The following STK39 variants were observed in gnomAD, a reference collection of about 807,000 sequenced individuals.
STK39 encodes STE20/SPS1-related proline-alanine-rich protein kinase.
A neutral mutation model predicts 77.8 loss-of-function variants in STK39; 20 were observed. The observed-to-expected ratio is 0.26, with a 90% confidence interval of 0.18 to 0.37. The LOEUF (loss-of-function observed/expected upper bound fraction) is 0.37, where lower values mean the gene tolerates loss of function less well. Ranked by LOEUF, STK39 falls within the 10% of genes least tolerant of loss-of-function variation. STK39 has a pLI of 1.00. For synonymous variants in STK39, 246 were observed against 234.1 expected (o/e 1.05, Z -0.47); for missense variants, 479 against 656.5 (o/e 0.73, Z 2.95).
intron 10 of STK39, among the ~76,000 whole-genome samples, chr2:168,106,600 G>C (rs769995392): frequency 6.6e-6 from 1 of 152,034 alleles, no homozygotes; most frequent in Non-Finnish European, 1.5e-5. Flanking sequence ...CAGGAGGATC[G>C]CTTGAGCTCA....
At chr2:168,086,579 A>G (rs1184937301) in intron 10 of STK39, among the ~76,000 whole-genome samples, 2 of 152,344 alleles carry the variant, frequency 1.3e-5, no homozygotes, top group Non-Finnish European at 2.9e-5. Context: ...TTCTATAGGC[A>G]ATTAGAAAAA....
chr2:168,032,110 T>G (rs1245651305), intron 14 of STK39, among the ~76,000 whole-genome samples: 1 of 152,218 alleles, frequency 6.6e-6, no homozygotes, highest in Non-Finnish European at 1.5e-5. Context: ...TGCTTATTCA[T>G]GAAATATAGT....
intron 1 of STK39, among the ~76,000 whole-genome samples, chr2:168,233,820 T>C (rs1392333596): frequency 6.6e-6 from 1 of 152,226 alleles, no homozygotes; most frequent in Non-Finnish European, 1.5e-5. Flanking sequence ...CAAAAGACTC[T>C]AAAATGATCT....
At chr2:168,180,057 C>A (rs1311144016) in intron 2 of STK39, among the ~76,000 whole-genome samples, 1 of 152,100 alleles carries the variant, frequency 6.6e-6, no homozygotes, top group Admixed American at 6.6e-5. Flanking sequence ...CAATCAAACA[C>A]AAGTATCAGC....
At chr2:168,121,768 C>T (rs1332185572) in intron 10 of STK39, among the ~76,000 whole-genome samples, 1 of 152,204 alleles carries the variant, frequency 6.6e-6, no homozygotes, top group East Asian at 1.9e-4. Context: ...AATCACACTG[C>T]CACTGCTGAC....
At chr2:168,139,082 G>A (rs924616784) in intron 7 of STK39, among the ~76,000 whole-genome samples, 3 of 152,094 alleles carry the variant, frequency 2.0e-5, no homozygotes, top group Admixed American at 6.5e-5. Flanking sequence ...TGAAAGTGAC[G>A]GCTTATTGTT....
intron 16 of STK39, among the ~76,000 whole-genome samples, chr2:167,997,173 T>C (rs1165600808): frequency 6.6e-6 from 1 of 151,536 alleles, no homozygotes; most frequent in Non-Finnish European, 1.5e-5. Flanking sequence ...AGTGTGGAGG[T>C]GGCAGAGGCA....
At chr2:167,987,887 T>C (rs1249954479) in intron 16 of STK39, among the ~76,000 whole-genome samples, 1 of 152,230 alleles carries the variant, frequency 6.6e-6, no homozygotes, top group African/African-American at 2.4e-5. Flanking sequence ...TAATGATTAA[T>C]GGTAACATAT....
rs71003023 is a variant in STK39, at chr2:168,139,408, T to TTATATATATATATATATATATA, written c.840+880_840+881insTATATATATATATATATATATA. Among the ~76,000 whole-genome samples, 268 of 144,458 alleles carry TTATATATATATATATATATATA rather than the reference T, an allele frequency of 1.9e-3. 1 individual carries two copies. Among genetic ancestry groups the TTATATATATATATATATATATA allele is most frequent in the East Asian group, 6.6e-3 (32 of 4,834 alleles). 94.8% of individuals were successfully genotyped at this position (144,458 alleles called of 152,430 possible). ...AAATCCTAACTATGTTAAAAAAAAT[T>TTATATATATATATATATATATA]TATATATATATATATAAAAACAATA... On this transcript the variant is annotated intron_variant, in intron 7 of 17. Coordinates refer to ENST00000355999, the MANE Select transcript of STK39 (RefSeq NM_013233.3).
intron 16 of STK39, among the ~76,000 whole-genome samples, chr2:167,993,800 A>G (rs950694696): frequency 1.3e-5 from 2 of 152,204 alleles, no homozygotes; most frequent in African/African-American, 4.8e-5. Context: ...CAAGTTTTAC[A>G]CCGTATGGTT....
intron 14 of STK39, 27 bp from the exon 15 acceptor site, chr2:168,017,122 A>C: frequency 6.5e-7 from 1 of 1,533,326 alleles, no homozygotes; most frequent in Non-Finnish European, 8.9e-7. Context: ...ATAATACATT[A>C]AAGTCTAGGG....
intron 10 of STK39, among the ~76,000 whole-genome samples, chr2:168,076,671 T>C (rs1686086383): frequency 6.6e-6 from 1 of 152,284 alleles, no homozygotes; most frequent in Non-Finnish European, 1.5e-5. Context: ...TTGCAAATAG[T>C]TATGCTCATT....
intron 14 of STK39, among the ~76,000 whole-genome samples, chr2:168,033,651 T>C (rs1684881158): frequency 6.6e-6 from 1 of 152,208 alleles, no homozygotes; most frequent in Admixed American, 6.5e-5. Flanking sequence ...GCATAACTCC[T>C]TGTAACAGCC....
At chr2:167,987,195 C>T (rs558054541) in intron 16 of STK39, among the ~76,000 whole-genome samples, 1 of 152,276 alleles carries the variant, frequency 6.6e-6, no homozygotes, top group South Asian at 2.1e-4. Context: ...CAATGCAGTG[C>T]CAGACCCACT....
intron 10 of STK39, among the ~76,000 whole-genome samples, chr2:168,108,829 T>C (rs1378115096): frequency 6.6e-6 from 1 of 152,208 alleles, no homozygotes; most frequent in Non-Finnish European, 1.5e-5. Context: ...ACTATCTACT[T>C]TAATTCCAAG....
chr2:168,204,389 T>C (rs1272447668), intron 1 of STK39, among the ~76,000 whole-genome samples: 1 of 152,208 alleles, frequency 6.6e-6, no homozygotes, highest in East Asian at 1.9e-4. Context: ...GGAAAGAATC[T>C]GTCATTCACA....
At chr2:168,173,922 C>G (rs1688891251) in intron 2 of STK39, among the ~76,000 whole-genome samples, 2 of 152,142 alleles carry the variant, frequency 1.3e-5, no homozygotes, top group African/African-American at 4.8e-5. Flanking sequence ...AAGAAAAGTA[C>G]CAGCAGAGAA....
chr2:168,126,438 G>A (rs535887603), intron 10 of STK39, among the ~76,000 whole-genome samples: 4 of 152,218 alleles, frequency 2.6e-5, no homozygotes, highest in South Asian at 2.1e-4. Flanking sequence ...TACAATAAAC[G>A]TTTTCATTTC....
At chr2:167,998,598 G>A (rs1044969887) in intron 16 of STK39, among the ~76,000 whole-genome samples, 5 of 149,202 alleles carry the variant, frequency 3.4e-5, no homozygotes, top group African/African-American at 1.0e-4. Flanking sequence ...GAAGATGCCC[G>A]TGATTAATGC....
Sources: gnomAD v4.1 joint callset for allele counts (sites outside exome capture counted in the v4.1 genomes callset) on GRCh38, gnomAD v4.1.1 for gene constraint, MANE v1.5 for transcripts, NCBI Gene and HGNC (gene_info 2026-07-23, HGNC 2026-07-21) for gene names.